The following SDCCAG8 variants were observed in gnomAD, a reference collection of about 807,000 sequenced individuals.
The protein encoded by SDCCAG8 is serologically defined colon cancer antigen 8.
In SDCCAG8, 74 loss-of-function variants were observed where a neutral mutation model predicts 101.8. The ratio of observed to expected loss-of-function variants is 0.73; its 90% CI spans 0.60 to 0.88. The LOEUF (loss-of-function observed/expected upper bound fraction) is 0.88. SDCCAG8 is among the 40% of genes least tolerant of loss of function. The pLI, the probability that SDCCAG8 is intolerant of heterozygous loss-of-function variation, is 0.00. For synonymous variants in SDCCAG8, 281 were observed against 292.9 expected (o/e 0.96, Z 0.41); for missense variants, 787 against 822.6 (o/e 0.96, Z 0.53).
At chr1:243,371,984 T>C (rs971172882) in intron 12 of SDCCAG8, among the ~76,000 whole-genome samples, 3 of 152,106 alleles carry the variant, frequency 2.0e-5, no homozygotes, top group African/African-American at 7.2e-5. Context: ...AAAAATTTAC[T>C]AATGATTTGA....
chr1:243,337,556 A>G (rs2075095153), intron 10 of SDCCAG8, among the ~76,000 whole-genome samples: 1 of 152,220 alleles, frequency 6.6e-6, no homozygotes, highest in Admixed American at 6.5e-5. Context: ...ATCCAGCTTG[A>G]CCTTTCTGTG....
chr1:243,257,066 T>C (rs1353884072), intron 1 of SDCCAG8, among the ~76,000 whole-genome samples: 1 of 152,220 alleles, frequency 6.6e-6, no homozygotes, highest in East Asian at 1.9e-4. Flanking sequence ...TCTGTTATAA[T>C]GGAAGTTATG....
At chr1:243,486,132 C>T (rs1337132471) in intron 16 of SDCCAG8, among the ~76,000 whole-genome samples, 2 of 124,702 alleles carry the variant, frequency 1.6e-5, no homozygotes, top group Non-Finnish European at 3.2e-5. Flanking sequence ...AACCCGGAGG[C>T]GGAGGTTGCG....
rs71652483 is a variant in SDCCAG8, at chr1:243,267,553, G to A, written c.68-2552G>A. ...AGAGGCGGAGGGTGCGGTGAGCCGA[G>A]ATTGCGCCATCGCACTCCAGCCTGG... is the stretch of plus-strand genomic sequence containing the variant. On this transcript the variant is annotated intron_variant, in intron 1 of 17. Transcript: ENST00000366541. 11 of 448,156 alleles carry A rather than the reference G, an allele frequency of 2.5e-5. No individual in the cohort carries two copies. The East Asian group carries it at 4.9e-4, about 20-fold the overall frequency. 27.8% of individuals were successfully genotyped at this position (448,156 alleles called of 1,614,324 possible).
chr1:243,455,393 C>T (rs3006907), intron 16 of SDCCAG8, among the ~76,000 whole-genome samples: 4,703 of 152,218 alleles, frequency 0.031, 258 homozygotes, highest in African/African-American at 0.11. Context: ...CCTCAGCCTC[C>T]CAAGTAGCTG....
At chr1:243,287,816 A>C (rs2069779104) in intron 5 of SDCCAG8, among the ~76,000 whole-genome samples, 1 of 152,216 alleles carries the variant, frequency 6.6e-6, no homozygotes, top group African/African-American at 2.4e-5. Context: ...GTAATGCCAA[A>C]GAAGTGGAAG....
At chr1:243,267,714 G>T in intron 1 of SDCCAG8, 1 of 794,194 alleles carries the variant, frequency 1.3e-6, no homozygotes, top group Admixed American at 1.7e-5. Flanking sequence ...GTTCCTGTGT[G>T]TGTACATGGT....
At chr1:243,321,393 C>G (rs77947639) in intron 9 of SDCCAG8, among the ~76,000 whole-genome samples, 1,979 of 151,838 alleles carry the variant, frequency 0.013, 53 homozygotes, top group African/African-American at 0.046. Flanking sequence ...CTCTCCTCCC[C>G]CAAGTTGTCT....
intron 17 of SDCCAG8, among the ~76,000 whole-genome samples, chr1:243,498,954 A>G (rs1668778379): frequency 6.6e-6 from 1 of 152,224 alleles, no homozygotes; most frequent in Non-Finnish European, 1.5e-5. Flanking sequence ...CACAATCTAG[A>G]GGGCGAGGAC....
intron 16 of SDCCAG8, among the ~76,000 whole-genome samples, chr1:243,461,774 G>A (rs759444017): frequency 6.6e-6 from 1 of 152,172 alleles, no homozygotes; most frequent in African/African-American, 2.4e-5. Context: ...ACTATACAGA[G>A]CTTTAGCGTC....
At chr1:243,443,056 T>G (rs528086003) in intron 16 of SDCCAG8, among the ~76,000 whole-genome samples, 1 of 152,368 alleles carries the variant, frequency 6.6e-6, no homozygotes, top group Non-Finnish European at 1.5e-5. Context: ...GAGATGTTTT[T>G]CTAGTCTGCA....
intron 16 of SDCCAG8, among the ~76,000 whole-genome samples, chr1:243,480,166 G>C (rs1300394846): frequency 6.6e-6 from 1 of 150,844 alleles, no homozygotes; most frequent in Admixed American, 6.6e-5. Context: ...TAGTCTAGCT[G>C]TTGCGGGGAG....
chr1:243,320,760 C>T (rs1465573533), intron 9 of SDCCAG8, among the ~76,000 whole-genome samples: 1 of 152,196 alleles, frequency 6.6e-6, no homozygotes, highest in Non-Finnish European at 1.5e-5. Flanking sequence ...CAAACCCAGG[C>T]AGGCACAAAA....
Position 243,330,604 on chromosome 1 carries a change from A to G in SDCCAG8, c.1133A>G (p.Glu378Gly), listed in dbSNP as rs1372005151. 6.2e-7 allele frequency: 1 copy of G among 1,614,116 alleles called. No homozygotes were observed. The highest frequency in any genetic ancestry group is 8.5e-7 in the Non-Finnish European group (1 of 1,179,984). The change falls in exon 10 of 18, where the codon GAA becomes GGA. Residue 378 changes from glutamate to glycine, a missense_variant. Transcript: ENST00000366541. ...AGGCAGGCGGAGCGACTTGAAAAAG[A>G]ACTTGCATCTCAGCAAGAGAAAAGG... ...LERQAERLEKELASQQEKRAI... is the reference protein window; with the variant it reads ...LERQAERLEKGLASQQEKRAI...
intron 12 of SDCCAG8, among the ~76,000 whole-genome samples, chr1:243,348,941 A>G (rs73118350): frequency 0.17 from 26,235 of 151,614 alleles, 3,266 homozygotes; most frequent in African/African-American, 0.35. Context: ...AGCCGAGATC[A>G]CGCCACTGCA....
intron 16 of SDCCAG8, among the ~76,000 whole-genome samples, chr1:243,453,777 T>G (rs530922636): frequency 7.2e-5 from 11 of 152,242 alleles, no homozygotes; most frequent in Non-Finnish European, 1.6e-4. Context: ...TTCTTCAGAC[T>G]GTATATATAA....
chr1:243,343,758 C>T (rs546612243), intron 11 of SDCCAG8, among the ~76,000 whole-genome samples: 1 of 152,252 alleles, frequency 6.6e-6, no homozygotes, highest in Non-Finnish European at 1.5e-5. Flanking sequence ...ACAAAAATTC[C>T]TTTATACATT....
chr1:243,266,300 A>G (rs912658879), intron 1 of SDCCAG8, among the ~76,000 whole-genome samples: 1 of 151,168 alleles, frequency 6.6e-6, no homozygotes, highest in Non-Finnish European at 1.5e-5. Flanking sequence ...TTTGACCATC[A>G]CTGAATTTTT....
In SDCCAG8 at chr1:243,316,753, A is replaced by G. The variant is rs759504214; in HGVS notation, c.930-2A>G. The stretch of plus-strand genomic sequence containing the variant: ...TTTTGAATGTTCTTTTTGTGCTGAC[A>G]GAGAAAGAGATGACTTGATGTCTGC... On this transcript the variant is annotated splice_acceptor_variant, in intron 8 of 17. Coordinates refer to ENST00000366541, the MANE Select transcript of SDCCAG8 (RefSeq NM_006642.5). LOFTEE classifies it high-confidence loss of function. 6 of 1,614,066 alleles carry G rather than the reference A, an allele frequency of 3.7e-6. No individual in the cohort carries two copies. Among genetic ancestry groups the G allele is most frequent in the African/African-American group, 1.3e-5 (1 of 74,934 alleles).
Sources: allele counts gnomAD v4.1 joint callset (sites outside exome capture counted in the v4.1 genomes callset), GRCh38; gene constraint gnomAD v4.1.1; transcripts MANE v1.5; gene names NCBI Gene and HGNC (gene_info 2026-07-23, HGNC 2026-07-21).